The following HDAC9 variants were observed in gnomAD, a reference collection of about 807,000 sequenced individuals.
The protein encoded by HDAC9 is histone deacetylase 9, also known as MEF-2 interacting transcription repressor (MITR) protein.
A neutral mutation model predicts 139.4 loss-of-function variants in HDAC9; 41 were observed. That is an observed-to-expected ratio of 0.29 (90% CI 0.23 to 0.38). HDAC9 has a LOEUF of 0.38. Among genes scored for constraint, HDAC9 ranks in the 10% least tolerant of loss-of-function variants. The pLI, the probability that HDAC9 is intolerant of heterozygous loss-of-function variation, is 1.00. For missense variants in HDAC9, 1,147 were observed against 1,297.0 expected (o/e 0.88, Z 1.78); for synonymous variants, 517 against 476.2 (o/e 1.09, Z -1.12).
chr7:18,713,858 G>T (rs955878289), intron 12 of HDAC9, among the ~76,000 whole-genome samples: 3 of 151,912 alleles, frequency 2.0e-5, no homozygotes, highest in African/African-American at 4.8e-5. Context: ...CAGAAGTTTG[G>T]CTCAATAACA....
chr7:18,602,472 A>C (rs1245842926), intron 6 of HDAC9, among the ~76,000 whole-genome samples: 1 of 116,122 alleles, frequency 8.6e-6, no homozygotes, highest in African/African-American at 2.6e-5. Flanking sequence ...ATTAATTTTT[A>C]CTTTTTTTTT....
At chr7:18,885,600 C>T (rs1158360684) in intron 22 of HDAC9, among the ~76,000 whole-genome samples, 3 of 152,138 alleles carry the variant, frequency 2.0e-5, no homozygotes, top group East Asian at 3.8e-4. Context: ...AAAACCACAA[C>T]CAGATCTCAT....
chr7:18,462,113 TAA>T (rs34414207), intron 1 of HDAC9, among the ~76,000 whole-genome samples: 1 of 151,254 alleles, frequency 6.6e-6, no homozygotes, highest in African/African-American at 2.4e-5. Flanking sequence ...GTCTTAACAT[TAA>T]AAAAAAATCA....
intron 1 of HDAC9, among the ~76,000 whole-genome samples, chr7:18,123,476 T>C (rs1784476237): frequency 6.6e-6 from 1 of 152,190 alleles, no homozygotes; most frequent in African/African-American, 2.4e-5. Flanking sequence ...TTAAACCATA[T>C]CGTACAATTT....
intron 25 of HDAC9, among the ~76,000 whole-genome samples, chr7:18,988,853 A>G (rs1233821410): frequency 1.3e-5 from 2 of 151,146 alleles, no homozygotes; most frequent in Non-Finnish European, 2.9e-5. Context: ...TTGTTGGTTT[A>G]AAGTCTCTTT....
chr7:18,846,001 C>G (rs931633784), intron 21 of HDAC9, among the ~76,000 whole-genome samples: 2 of 152,086 alleles, frequency 1.3e-5, no homozygotes, highest in Non-Finnish European at 2.9e-5. Flanking sequence ...AGTGGGCTTC[C>G]TGGGGTGTGT....
intron 1 of HDAC9, among the ~76,000 whole-genome samples, chr7:18,390,330 C>T (rs769836568): frequency 6.6e-6 from 1 of 152,102 alleles, no homozygotes; most frequent in African/African-American, 2.4e-5. Context: ...AGTGCCTGCT[C>T]TTAGGTTTTT....
chr7:18,723,441 G>A (rs992186698), intron 12 of HDAC9, among the ~76,000 whole-genome samples: 1 of 152,156 alleles, frequency 6.6e-6, no homozygotes, highest in African/African-American at 2.4e-5. Context: ...TGTCTGTACA[G>A]TGCAGCACAA....
chr7:18,576,120 T>C (rs1384150321), intron 2 of HDAC9, among the ~76,000 whole-genome samples: 1 of 152,140 alleles, frequency 6.6e-6, no homozygotes, highest in African/African-American at 2.4e-5. Flanking sequence ...AGAGAACACA[T>C]ATGGAAAATC....
chr7:18,096,113 C>T (rs912233428), intron 1 of HDAC9, among the ~76,000 whole-genome samples: 9 of 152,078 alleles, frequency 5.9e-5, no homozygotes, highest in Non-Finnish European at 1.0e-4. Context: ...GTGGAGTCAT[C>T]GAATTCTAAA....
intron 1 of HDAC9, among the ~76,000 whole-genome samples, chr7:18,471,839 T>G (rs1460793833): frequency 6.6e-6 from 1 of 152,192 alleles, no homozygotes; most frequent in Non-Finnish European, 1.5e-5. Flanking sequence ...ACCAGAAGGA[T>G]GTGGGAGAAG....
intron 1 of HDAC9, among the ~76,000 whole-genome samples, chr7:18,422,725 C>A (rs1443878108): frequency 7.5e-6 from 1 of 132,716 alleles, no homozygotes; most frequent in African/African-American, 2.8e-5. Flanking sequence ...CTGTCATTAG[C>A]TTTAAGACAC....
chr7:18,582,774 C>G (rs903297236), intron 2 of HDAC9, among the ~76,000 whole-genome samples: 3 of 152,082 alleles, frequency 2.0e-5, no homozygotes, highest in African/African-American at 7.2e-5. Context: ...CTAGAGTTGG[C>G]AAACCTGAAT....
intron 1 of HDAC9, among the ~76,000 whole-genome samples, chr7:18,387,023 T>C (rs919470996): frequency 6.6e-6 from 1 of 152,216 alleles, no homozygotes; most frequent in Non-Finnish European, 1.5e-5. Flanking sequence ...TCATGAAGAT[T>C]GCCAGTCTCA....
At chr7:18,663,762 C>G (rs1412045797) in intron 11 of HDAC9, among the ~76,000 whole-genome samples, 1 of 152,120 alleles carries the variant, frequency 6.6e-6, no homozygotes, top group East Asian at 1.9e-4. Context: ...AGTCTTCTTA[C>G]ATTTGGTTTC....
At chr7:18,967,538 G>C (rs1255033315) in intron 24 of HDAC9, among the ~76,000 whole-genome samples, 1 of 137,494 alleles carries the variant, frequency 7.3e-6, no homozygotes, top group African/African-American at 2.9e-5. Flanking sequence ...TATTGTGAAA[G>C]CTATTTGTTA....
intron 6 of HDAC9, among the ~76,000 whole-genome samples, chr7:18,621,186 C>T (rs988159401): frequency 5.3e-5 from 8 of 151,530 alleles, no homozygotes; most frequent in Admixed American, 2.6e-4. Context: ...TTAAGGAATA[C>T]GTAATTACCT....
chr7:18,100,883 G>T (rs1004636120), intron 1 of HDAC9, among the ~76,000 whole-genome samples: 5 of 152,054 alleles, frequency 3.3e-5, no homozygotes, highest in African/African-American at 1.2e-4. Flanking sequence ...TTTCTGGGAT[G>T]CAATTAGTTA....
At chr7:18,824,058 A>AAGAAGAAGC (rs1795209694) in intron 17 of HDAC9, among the ~76,000 whole-genome samples, 1 of 147,866 alleles carries the variant, frequency 6.8e-6, no homozygotes. Flanking sequence ...GAAGAAGAAG[A>AAGAAGAAGC]AGAAGAAGAA....
Sources: allele counts gnomAD v4.1 joint callset (sites outside exome capture counted in the v4.1 genomes callset), GRCh38; gene constraint gnomAD v4.1.1; transcripts MANE v1.5; gene names NCBI Gene and HGNC (gene_info 2026-07-23, HGNC 2026-07-21).